Variants in EFNA5 observed in about 807,000 individuals in gnomAD.
The protein encoded by EFNA5 is ephrin-A5.
Under a neutral mutation model 22.9 loss-of-function variants are expected in EFNA5, and 5 were observed. The observed-to-expected ratio is 0.22, with a 90% CI of 0.11 to 0.46. EFNA5 has a LOEUF of 0.46. Ranked by LOEUF, EFNA5 falls within the 20% of genes least tolerant of loss-of-function variation. The pLI is 0.99. For synonymous variants in EFNA5, 113 were observed against 112.2 expected (o/e 1.01, Z -0.04); for missense variants, 237 against 293.3 (o/e 0.81, Z 1.40).
intron 1 of EFNA5, among the ~76,000 whole-genome samples, chr5:107,615,668 A>T (rs1020562240): frequency 6.6e-6 from 1 of 152,162 alleles, no homozygotes; most frequent in Non-Finnish European, 1.5e-5. Flanking sequence ...CCAAAAAACA[A>T]ACAAACAAAA....
chr5:107,466,464 G>A (rs779908273), intron 1 of EFNA5, among the ~76,000 whole-genome samples: 2 of 152,130 alleles, frequency 1.3e-5, no homozygotes, highest in African/African-American at 2.4e-5. Context: ...GCAAGTCTCA[G>A]TGTCTGCCTG....
At chr5:107,397,747 C>T (rs540697934) in intron 2 of EFNA5, among the ~76,000 whole-genome samples, 17 of 152,236 alleles carry the variant, frequency 1.1e-4, no homozygotes, top group African/African-American at 4.1e-4. Flanking sequence ...AACAAATTAA[C>T]GTTCTCTCTG....
intron 2 of EFNA5, among the ~76,000 whole-genome samples, chr5:107,409,687 A>G (rs1441828859): frequency 2.0e-5 from 3 of 152,232 alleles, no homozygotes; most frequent in Admixed American, 2.0e-4. Flanking sequence ...TGCAGTAACT[A>G]GTTATTGAAG....
At position 107,592,663 on chromosome 5, in the gene EFNA5, G is replaced by C. The variant is rs530079379; in HGVS notation, c.125+77826C>G. Among the ~76,000 whole-genome samples, 240 of 152,260 alleles carry C rather than the reference G, an allele frequency of 1.6e-3. 1 individual carries two copies. Among genetic ancestry groups the C allele is most frequent in the African/African-American group, 5.2e-3 (217 of 41,550 alleles). On this transcript the variant is annotated intron_variant, in intron 1 of 4. Transcript: ENST00000333274. ...AGAACATGACTGCCAAAGAGATGCA[G>C]GGACAGGCTCTTCAGAAAAGGAGGA...
chr5:107,433,290 T>C (rs562775553), intron 1 of EFNA5, among the ~76,000 whole-genome samples: 1 of 152,358 alleles, frequency 6.6e-6, no homozygotes, highest in South Asian at 2.1e-4. Flanking sequence ...CAATGTCATA[T>C]ATATTATAAA....
intron 1 of EFNA5, among the ~76,000 whole-genome samples, chr5:107,543,959 C>T (rs546310086): frequency 7.2e-5 from 11 of 152,274 alleles, no homozygotes; most frequent in Non-Finnish European, 1.2e-4. Context: ...TCCCTAACTC[C>T]GTGAGGGGAC....
chr5:107,428,095 A>G lies in EFNA5; in HGVS notation c.126-586T>C, dbSNP rs956231719. ...CCTAAAACACTTCCATTTTAGAGAA[A>G]AATAAAAAGACATAAAGATGAAGCA... On this transcript the variant is annotated intron_variant, in intron 1 of 4. Transcript: ENST00000333274. Among the ~76,000 whole-genome samples the G allele has an allele frequency of 1.2e-4, 18 of 152,232 alleles. No individual in the cohort carries two copies. In the South Asian group the frequency reaches 2.1e-3, roughly 18 times the overall value.
chr5:107,585,290 C>T (rs1192399518), intron 1 of EFNA5, among the ~76,000 whole-genome samples: 1 of 152,156 alleles, frequency 6.6e-6, no homozygotes, highest in Non-Finnish European at 1.5e-5. Flanking sequence ...CCCAAGGACC[C>T]TCTCATAGGC....
intron 1 of EFNA5, among the ~76,000 whole-genome samples, chr5:107,561,611 G>A (rs544687001): frequency 1.3e-5 from 2 of 152,044 alleles, no homozygotes; most frequent in African/African-American, 2.4e-5. Flanking sequence ...CTCGTGACCC[G>A]CCCACCTAAA....
intron 1 of EFNA5, among the ~76,000 whole-genome samples, chr5:107,484,870 T>C (rs1269832161): frequency 6.6e-6 from 1 of 151,566 alleles, no homozygotes; most frequent in Non-Finnish European, 1.5e-5. Flanking sequence ...AATTCAGATG[T>C]TTATAGAAAA....
At chr5:107,638,372 G>A (rs1340119620) in intron 1 of EFNA5, among the ~76,000 whole-genome samples, 2 of 152,124 alleles carry the variant, frequency 1.3e-5, no homozygotes, top group Admixed American at 6.5e-5. Context: ...GTAGAGAGAT[G>A]TTAGTCAAAG....
At chr5:107,409,303 C>T (rs1748300400) in intron 2 of EFNA5, among the ~76,000 whole-genome samples, 1 of 152,184 alleles carries the variant, frequency 6.6e-6, no homozygotes, top group Non-Finnish European at 1.5e-5. Context: ...CTTTTGGATT[C>T]AGCAGTCAGA....
intron 1 of EFNA5, among the ~76,000 whole-genome samples, chr5:107,633,968 C>T (rs1359767548): frequency 6.6e-6 from 1 of 152,010 alleles, no homozygotes; most frequent in Non-Finnish European, 1.5e-5. Flanking sequence ...AAAAGGGAAA[C>T]AATTCCATAC....
chr5:107,617,003 T>C (rs1454060731), intron 1 of EFNA5, among the ~76,000 whole-genome samples: 2 of 152,064 alleles, frequency 1.3e-5, no homozygotes, highest in Non-Finnish European at 2.9e-5. Context: ...AGCAGTTTTG[T>C]GGAGGAAACT....
At chr5:107,435,765 A>G (rs1749095405) in intron 1 of EFNA5, among the ~76,000 whole-genome samples, 1 of 152,244 alleles carries the variant, frequency 6.6e-6, no homozygotes, top group African/African-American at 2.4e-5. Context: ...GTATGCTACA[A>G]TATATACTGA....
Position 107,442,260 on chromosome 5 carries a change from T to C in EFNA5, c.126-14751A>G, listed in dbSNP as rs147530531. On this transcript the variant is annotated intron_variant, in intron 1 of 4. Transcript: ENST00000333274. Reference sequence around the variant, plus strand: ...GAATCAAGACTATAGAGAGATATACTAGTAAAATAAAGTTTGAGCCATCAT... The same window carrying C: ...GAATCAAGACTATAGAGAGATATACCAGTAAAATAAAGTTTGAGCCATCAT... 6.5e-4 allele frequency among the ~76,000 whole-genome samples: 99 copies of C among 152,268 alleles called. 1 individual carries two copies. In the East Asian group the frequency reaches 0.017, roughly 26 times the overall value.
intron 1 of EFNA5, among the ~76,000 whole-genome samples, chr5:107,567,016 T>A (rs1748678201): frequency 6.6e-6 from 1 of 152,198 alleles, no homozygotes; most frequent in Non-Finnish European, 1.5e-5. Context: ...ATATTTACTT[T>A]AAAAAAATCC....
rs188896591 is a variant in EFNA5, at chr5:107,565,277, T to C, written c.125+105212A>G. ...TGGGTAACTTTCAATTTTATCAAGA[T>C]AGAGTTAGGAAAATAGTACGCATAG... On this transcript the variant is annotated intron_variant, in intron 1 of 4. Transcript: ENST00000333274. Among the ~76,000 whole-genome samples the C allele has an allele frequency of 5.9e-5, 9 of 152,272 alleles. No homozygotes were observed. In the South Asian group the frequency reaches 8.3e-4, roughly 14 times the overall value.
intron 1 of EFNA5, among the ~76,000 whole-genome samples, chr5:107,560,607 G>A (rs546298584): frequency 6.6e-6 from 1 of 152,138 alleles, no homozygotes; most frequent in Admixed American, 6.6e-5. Flanking sequence ...TTAAATATCC[G>A]TTCTAGTTTC....
Sources: allele counts gnomAD v4.1 joint callset (sites outside exome capture counted in the v4.1 genomes callset), GRCh38; gene constraint gnomAD v4.1.1; transcripts MANE v1.5; gene names NCBI Gene and HGNC (gene_info 2026-07-23, HGNC 2026-07-21).